The following DAZL variants were observed in gnomAD, a reference collection of about 807,000 sequenced individuals.
DAZL encodes deleted in azoospermia like, also known as deleted in azoospermia-like.
Under a neutral mutation model 45.0 loss-of-function variants are expected in DAZL, and 4 were observed. The ratio of observed to expected loss-of-function variants is 0.09; its 90% CI spans 0.04 to 0.20. The LOEUF (loss-of-function observed/expected upper bound fraction) is 0.20, where lower values mean the gene tolerates loss of function less well. Among genes scored for constraint, DAZL ranks in the 10% least tolerant of loss-of-function variants. DAZL has a pLI of 1.00. For missense variants in DAZL, 326 were observed against 351.3 expected (o/e 0.93, Z 0.58); for synonymous variants, 122 against 112.4 (o/e 1.09, Z -0.54).
rs759922840 is a variant in DAZL at position 16,595,405 on chromosome 3, A to G, written c.499-20T>C. 1 of 1,431,242 alleles carries G rather than the reference A, an allele frequency of 7.0e-7. No individual in the cohort carries two copies. Among genetic ancestry groups the G allele is most frequent in the South Asian group, 1.2e-5 (1 of 80,750 alleles). 88.7% of individuals were successfully genotyped at this position (1,431,242 alleles called of 1,614,324 possible). ...ATATGCCTGAAAATCAAGTTTACAG[A>G]AAGAATGAATAATATAAAACATTTT... On this transcript the variant is annotated intron_variant, in intron 6 of 10. Coordinates refer to ENST00000399444, the MANE Select transcript of DAZL (RefSeq NM_001351.4).
chr3:16,597,452 C>T lies in DAZL; in HGVS notation c.294+38G>A, dbSNP rs376647546. 4.1e-6 allele frequency: 5 copies of T among 1,233,002 alleles called. No homozygotes were observed. The African/African-American group carries it at 7.4e-5, about 18-fold the overall frequency. 76.4% of individuals were successfully genotyped at this position (1,233,002 alleles called of 1,614,324 possible). On this transcript the variant is annotated intron_variant, in intron 4 of 10. Transcript: ENST00000399444. The stretch of plus-strand genomic sequence containing the variant: ...TATCACTTGACACTAAACATTGTAT[C>T]AATTAAACAAATGAGATTTTTCTAT...
In DAZL at chr3:16,588,481, T is replaced by C; in HGVS notation, c.*179A>G. ...AACTATATTTCAACACAGAACCAGT[T>C]TCTAAATAAACATCTAATGAAGAAC... On this transcript the variant is annotated 3_prime_UTR_variant, in exon 11 of 11. Transcript: ENST00000399444. The C allele has an allele frequency of 1.8e-6, 1 of 541,072 alleles. No homozygotes were observed. The highest frequency in any genetic ancestry group is 3.4e-6 in the Non-Finnish European group (1 of 290,612). 33.5% of individuals were successfully genotyped at this position (541,072 alleles called of 1,614,324 possible).
At chr3:16,597,140 C>G in intron 4 of DAZL, 89 bp from the exon 5 acceptor site, 1 of 1,401,906 alleles carries the variant, frequency 7.1e-7, no homozygotes, top group Non-Finnish European at 1.0e-6. Context: ...TCTAAAATTC[C>G]TATTATCATA....
At chr3:16,594,506 A>G in intron 8 of DAZL, 27 bp downstream of exon 8, 1 of 1,547,884 alleles carries the variant, frequency 6.5e-7, no homozygotes, top group Non-Finnish European at 8.8e-7. Flanking sequence ...AATAACAGGA[A>G]TTATATGTTT....
intron 10 of DAZL, among the ~76,000 whole-genome samples, chr3:16,590,907 G>A (rs1390629027): frequency 6.6e-6 from 1 of 151,956 alleles, no homozygotes; most frequent in African/African-American, 2.4e-5. Flanking sequence ...GGTGATTTTT[G>A]GGGTGATTTA....
At chr3:16,592,602 T>C (rs572106132) in intron 9 of DAZL, among the ~76,000 whole-genome samples, 1 of 151,126 alleles carries the variant, frequency 6.6e-6, no homozygotes, top group East Asian at 1.9e-4. Flanking sequence ...TTCATAAAAA[T>C]GTGATTCATA....
At chr3:16,604,364 G>C (rs77110037) in intron 1 of DAZL, 154,204 of 1,288,068 alleles carry the variant, frequency 0.12, 12,449 homozygotes, top group East Asian at 0.42. Context: ...AAAGGATCCT[G>C]GTTTATCGAG....
chr3:16,602,640 G>T (rs1008865188), intron 1 of DAZL, among the ~76,000 whole-genome samples: 1 of 152,090 alleles, frequency 6.6e-6, no homozygotes, highest in African/African-American at 2.4e-5. Flanking sequence ...AGTATATAAA[G>T]AATATAGTTT....
intron 1 of DAZL, chr3:16,604,849 C>A: frequency 3.1e-6 from 2 of 655,076 alleles, no homozygotes; most frequent in South Asian, 2.1e-5. Context: ...CGGGGTGGGG[C>A]AGTCGGGGGT....
At chr3:16,603,757 C>T (rs913507908) in intron 1 of DAZL, among the ~76,000 whole-genome samples, 1 of 152,098 alleles carries the variant, frequency 6.6e-6, no homozygotes, top group Non-Finnish European at 1.5e-5. Flanking sequence ...CAGAACAATG[C>T]CCACATCAAT....
At chr3:16,601,443 G>A (rs1208108051) in intron 1 of DAZL, among the ~76,000 whole-genome samples, 1 of 152,178 alleles carries the variant, frequency 6.6e-6, no homozygotes, top group Non-Finnish European at 1.5e-5. Flanking sequence ...GCCAGCAGGT[G>A]GCGCTCAAAG....
intron 10 of DAZL, among the ~76,000 whole-genome samples, chr3:16,589,899 TAAAA>T (rs34303748): frequency 6.9e-6 from 1 of 143,932 alleles, no homozygotes; most frequent in African/African-American, 2.5e-5. Flanking sequence ...TTCTGTCTCT[TAAAA>T]AAAAAAAAAA....
Position 16,598,459 on chromosome 3 carries a change from T to C in DAZL, c.143A>G (p.Asp48Gly). The C allele has an allele frequency of 1.2e-6, 2 of 1,608,222 alleles. No individual in the cohort carries two copies. Among genetic ancestry groups the C allele is most frequent in the Non-Finnish European group, 1.7e-6 (2 of 1,177,308 alleles). Residue 48 changes from aspartate to glycine, a missense_variant, in exon 2 of 11, where the codon GAT becomes GGT. Asp to Gly is a moderately conservative substitution (Grantham distance 94). Transcript: ENST00000399444. ...MPNTVFVGGIDVRMDETEIRS... is the reference protein window; with the variant it reads ...MPNTVFVGGIGVRMDETEIRS... ...GAGGTATGAATACAATACCCTAACA[T>C]CAATTCCTCCAACAAAAACAGTGTT...
chr3:16,593,466 C>T (rs1424330763), intron 9 of DAZL, among the ~76,000 whole-genome samples, 189 bp downstream of exon 9: 7 of 152,170 alleles, frequency 4.6e-5, no homozygotes, highest in Non-Finnish European at 1.0e-4. Flanking sequence ...AGCCACTGCA[C>T]CCAGCCAAGA....
chr3:16,597,408 T>C (rs1694617152), intron 4 of DAZL, 82 bp downstream of exon 4: 1 of 989,598 alleles, frequency 1.0e-6, no homozygotes, highest in Admixed American at 1.8e-5. Context: ...GTCTTCCAAA[T>C]TTTACACAAG....
intron 1 of DAZL, among the ~76,000 whole-genome samples, chr3:16,602,614 A>G (rs1483258542): frequency 6.6e-6 from 1 of 152,208 alleles, no homozygotes; most frequent in African/African-American, 2.4e-5. Flanking sequence ...CCTCAACACA[A>G]ATGCAAAATT....
intron 1 of DAZL, among the ~76,000 whole-genome samples, chr3:16,601,943 G>A (rs1023324467): frequency 1.3e-5 from 2 of 152,122 alleles, no homozygotes; most frequent in African/African-American, 4.8e-5. Context: ...ATGTGAACAT[G>A]AAAGCAAACT....
At chr3:16,601,257 G>A (rs1446462436) in intron 1 of DAZL, among the ~76,000 whole-genome samples, 1 of 151,790 alleles carries the variant, frequency 6.6e-6, no homozygotes, top group African/African-American at 2.4e-5. Flanking sequence ...GGCGACAACA[G>A]TAGTTTGGTA....
chr3:16,594,640 A>T, intron 7 of DAZL, 57 bp from the exon 8 acceptor site: 1 of 1,281,790 alleles, frequency 7.8e-7, no homozygotes, highest in Non-Finnish European at 1.1e-6. Flanking sequence ...AAATTTTCAA[A>T]AACACACGAG....
Sources: gnomAD v4.1 joint callset for allele counts (sites outside exome capture counted in the v4.1 genomes callset) on GRCh38, gnomAD v4.1.1 for gene constraint, MANE v1.5 for transcripts, NCBI Gene and HGNC (gene_info 2026-07-23, HGNC 2026-07-21) for gene names.